The following MCCC1 variants were observed in gnomAD, a reference collection of about 807,000 sequenced individuals.
MCCC1 encodes the protein methylcrotonoyl-CoA carboxylase subunit alpha, mitochondrial.
MCCC1 carries 64 observed loss-of-function variants against 83.8 expected under a neutral mutation model. The observed-to-expected ratio is 0.76, with a 90% confidence interval of 0.62 to 0.94. MCCC1 has a LOEUF of 0.94. Ranked by LOEUF, MCCC1 falls within the 40% of genes least tolerant of loss-of-function variation. The pLI is 0.00. For missense variants in MCCC1, 807 were observed against 904.7 expected (o/e 0.89, Z 1.39); for synonymous variants, 322 against 315.4 (o/e 1.02, Z -0.22).
chr3:183,111,123 C>T (rs1400041871), intron 1 of MCCC1, among the ~76,000 whole-genome samples: 2 of 152,110 alleles, frequency 1.3e-5, no homozygotes, highest in Non-Finnish European at 2.9e-5. Context: ...ATAAGAGTTC[C>T]TTATTCTCCT....
intron 4 of MCCC1, among the ~76,000 whole-genome samples, chr3:183,073,902 A>T (rs1023473504): frequency 6.6e-6 from 1 of 152,216 alleles, no homozygotes; most frequent in Non-Finnish European, 1.5e-5. Flanking sequence ...GAACACAAGC[A>T]TGGTGGTACC....
intron 4 of MCCC1, among the ~76,000 whole-genome samples, chr3:183,077,853 T>C (rs1244325386): frequency 6.6e-6 from 1 of 152,178 alleles, no homozygotes; most frequent in East Asian, 1.9e-4. Context: ...GTCAAATTAC[T>C]CCAGCACTAT....
At chr3:183,035,847 T>C (rs1713536347) in intron 13 of MCCC1, among the ~76,000 whole-genome samples, 1 of 152,084 alleles carries the variant, frequency 6.6e-6, no homozygotes, top group Non-Finnish European at 1.5e-5. Context: ...TTTTTAATAC[T>C]TTAAGTTCTA....
At chr3:183,093,459 T>C (rs1718511181) in intron 2 of MCCC1, among the ~76,000 whole-genome samples, 1 of 152,208 alleles carries the variant, frequency 6.6e-6, no homozygotes, top group South Asian at 2.1e-4. Context: ...TCTATCCCTA[T>C]GTACATAGGT....
intron 3 of MCCC1, among the ~76,000 whole-genome samples, chr3:183,090,249 G>A (rs1288341253): frequency 6.6e-6 from 1 of 152,166 alleles, no homozygotes; most frequent in Non-Finnish European, 1.5e-5. Context: ...GATGCTAAAT[G>A]CTGCTGAGGG....
At chr3:183,107,537 G>T (rs147717905) in intron 1 of MCCC1, among the ~76,000 whole-genome samples, 4,543 of 146,010 alleles carry the variant, frequency 0.031, 216 homozygotes, top group African/African-American at 0.11. Context: ...ATTATTATTT[G>T]TTGTTGTTGT....
rs748042158 is a variant in MCCC1, at chr3:183,034,059, G to A, written c.1613C>T (p.Ser538Leu). The A allele has an allele frequency of 3.1e-6, 5 of 1,609,082 alleles. No homozygotes were observed. The highest frequency in any genetic ancestry group is 2.7e-5 in the African/African-American group (2 of 74,590). The change falls in exon 14 of 19, where the codon TCG becomes TTG. Residue 538 changes from serine to leucine, a missense_variant. Ser to Leu is a moderately radical substitution (Grantham distance 145, BLOSUM62 -2). Transcript: ENST00000265594. ...ATTCAGTCTTCTTCCACTGCTAGACGAAAATGGAGAGAATTGATCTAGAAA... is the reference window on the plus strand; with the variant it reads ...ATTCAGTCTTCTTCCACTGCTAGACAAAAATGGAGAGAATTGATCTAGAAA... ...LQAHDQFSPF[S>L]SSSGRRLNIS...
chr3:183,099,570 G>C, upstream of MCCC1: 1 of 1,093,678 alleles, frequency 9.1e-7, no homozygotes. Context: ...GCCTACCTTT[G>C]GGCTGATCCA....
chr3:183,092,140 T>G (rs1718403624), intron 3 of MCCC1, among the ~76,000 whole-genome samples: 1 of 152,294 alleles, frequency 6.6e-6, no homozygotes, highest in Non-Finnish European at 1.5e-5. Flanking sequence ...GTGTAGTCAG[T>G]GGATCCGCAA....
In MCCC1 at chr3:183,045,864, C is replaced by A. The variant is rs3772721; in HGVS notation, c.956-324G>T. ...CTCAGAGCACCAAGATCCTGGGAGC[C>A]TCATACCATGACATCCCATCTCACC... On this transcript the variant is annotated intron_variant, in intron 9 of 18. Transcript: ENST00000265594. Among the ~76,000 whole-genome samples the A allele has an allele frequency of 0.033, 5,036 of 152,234 alleles. 170 individuals are homozygous for A. Among genetic ancestry groups the A allele is most frequent in the East Asian group, 0.1 (540 of 5,186 alleles).
chr3:183,079,751 G>A (rs1354701077), intron 4 of MCCC1, among the ~76,000 whole-genome samples: 1 of 152,224 alleles, frequency 6.6e-6, no homozygotes, highest in Non-Finnish European at 1.5e-5. Flanking sequence ...CCCTAGCAGA[G>A]GTTCTCCATG....
chr3:183,092,730 T>C (rs1718459428), intron 2 of MCCC1, among the ~76,000 whole-genome samples, 185 bp from the exon 3 acceptor site: 1 of 152,210 alleles, frequency 6.6e-6, no homozygotes, highest in Non-Finnish European at 1.5e-5. Flanking sequence ...TCTTTTCTCT[T>C]AAATTCAAGG....
At chr3:183,074,484 A>G (rs896143514) in intron 4 of MCCC1, among the ~76,000 whole-genome samples, 1 of 152,198 alleles carries the variant, frequency 6.6e-6, no homozygotes, top group South Asian at 2.1e-4. Flanking sequence ...TATTATAATT[A>G]TGACCAAAAC....
At chr3:183,068,779 G>C (rs1158181841) in intron 7 of MCCC1, among the ~76,000 whole-genome samples, 14 of 152,120 alleles carry the variant, frequency 9.2e-5, no homozygotes, top group Admixed American at 7.2e-4. Context: ...CCTATGTTTT[G>C]AGATGTTTAG....
At chr3:183,086,617 A>C in intron 4 of MCCC1, 76 bp downstream of exon 4, 1 of 1,351,432 alleles carries the variant, frequency 7.4e-7, no homozygotes. Context: ...AAAAATAGAA[A>C]ATTTCTATAA....
At chr3:183,111,714 A>G (rs1330599834) in intron 1 of MCCC1, among the ~76,000 whole-genome samples, 1 of 152,214 alleles carries the variant, frequency 6.6e-6, no homozygotes, top group East Asian at 1.9e-4. Flanking sequence ...TTGCATTCAA[A>G]AAGCGTTTTA....
intron 7 of MCCC1, among the ~76,000 whole-genome samples, chr3:183,068,389 C>G (rs1169218487): frequency 6.6e-6 from 1 of 152,176 alleles, no homozygotes; most frequent in African/African-American, 2.4e-5. Context: ...TACACTCCCA[C>G]CAGCACCATG....
intron 11 of MCCC1, among the ~76,000 whole-genome samples, chr3:183,039,789 C>T (rs1713915974): frequency 1.3e-5 from 2 of 151,956 alleles, no homozygotes; most frequent in South Asian, 2.1e-4. Context: ...TCTTTGAACC[C>T]CAGAGTCCTC....
chr3:183,017,557 G>C (rs1711754894), intron 17 of MCCC1: 2 of 551,154 alleles, frequency 3.6e-6, no homozygotes, highest in Middle Eastern at 5.0e-4. Context: ...AGCAGAAGTA[G>C]AGCCCATGTG....
Sources: gnomAD v4.1 joint callset for allele counts (sites outside exome capture counted in the v4.1 genomes callset) on GRCh38, gnomAD v4.1.1 for gene constraint, MANE v1.5 for transcripts, NCBI Gene and HGNC (gene_info 2026-07-23, HGNC 2026-07-21) for gene names.